Variants in DOCK6 observed in about 807,000 individuals in gnomAD.
DOCK6 encodes the protein dedicator of cytokinesis protein 6.
In DOCK6, 167 loss-of-function variants were observed where a neutral mutation model predicts 230.3. That is an observed-to-expected ratio of 0.73 (90% CI 0.64 to 0.82). DOCK6 has a LOEUF of 0.82. Ranked by LOEUF, DOCK6 falls within the 40% of genes least tolerant of loss-of-function variation. DOCK6 has a pLI of 0.00. For synonymous variants in DOCK6, 1,148 were observed against 1,185.0 expected, an observed-to-expected ratio of 0.97 and a Z score of 0.64; for missense variants, 2,598 against 2,825.8, an observed-to-expected ratio of 0.92 and a Z score of 1.83.
At chr19:11,203,783 T>G in intron 41 of DOCK6, 2 of 529,538 alleles carry the variant, frequency 3.8e-6, no homozygotes, top group East Asian at 3.2e-5. Context: ...CATGAGGGAG[T>G]CAAGAGTCAC....
intron 21 of DOCK6, among the ~76,000 whole-genome samples, chr19:11,235,043 A>C (rs2079824576): frequency 6.6e-6 from 1 of 152,036 alleles, no homozygotes; most frequent in East Asian, 1.9e-4. Context: ...CCCGGGTTCA[A>C]GTGATTCTTC....
At chr19:11,219,190 T>TC (rs2079543248) in intron 28 of DOCK6, among the ~76,000 whole-genome samples, 1 of 126,448 alleles carries the variant, frequency 7.9e-6, no homozygotes, top group Non-Finnish European at 1.7e-5. Context: ...TTTTTTTTTT[T>TC]TTTTTTTTTT....
chr19:11,224,063 C>T (rs574116961), intron 24 of DOCK6, among the ~76,000 whole-genome samples: 34 of 152,034 alleles, frequency 2.2e-4, no homozygotes, highest in African/African-American at 8.0e-4. Context: ...GTGTGTGGGG[C>T]GGGGGCAGGG....
chr19:11,212,905 C>T (rs2079415375), intron 35 of DOCK6, among the ~76,000 whole-genome samples: 1 of 137,856 alleles, frequency 7.3e-6, no homozygotes, highest in Admixed American at 7.9e-5. Flanking sequence ...CAAGGTCTCA[C>T]TCTTGCTCAG....
In DOCK6 at chr19:11,262,449, C is replaced by T. The variant is rs572179916; in HGVS notation, c.-9G>A. ...CGCTCGGAGGCAGCCATGGTCCTCG[C>T]GTCCCGCCGCCGCCGCCCCGGGCCC... On this transcript the variant is annotated 5_prime_UTR_variant, in exon 1 of 48. Coordinates refer to ENST00000294618, the MANE Select transcript of DOCK6 (RefSeq NM_020812.4). 36 of 1,193,406 alleles carry T rather than the reference C, an allele frequency of 3.0e-5. No individual in the cohort carries two copies. The African/African-American group carries it at 4.2e-4, about 14-fold the overall frequency. The allele number at this position is 1,193,406 out of a possible 1,614,324, so 73.9% of individuals were successfully genotyped here.
chr19:11,229,425 T>C (rs1311436254), intron 22 of DOCK6: 2 of 1,011,832 alleles, frequency 2.0e-6, no homozygotes, highest in Non-Finnish European at 2.4e-6. Flanking sequence ...AGAAGGTTAG[T>C]GTGGATGAGG....
In DOCK6 at chr19:11,222,281, C is replaced by A. The variant is rs770651759; in HGVS notation, c.3241-33G>T. Reference sequence around the variant, plus strand: ...GTGGGGGAAAAATGGGGGATGCCAGCGGTCAAGGGTCAGAGGTGGCAGGTC... The same window carrying A: ...GTGGGGGAAAAATGGGGGATGCCAGAGGTCAAGGGTCAGAGGTGGCAGGTC... On this transcript the variant is annotated intron_variant, in intron 26 of 47. Coordinates refer to ENST00000294618, the MANE Select transcript of DOCK6 (RefSeq NM_020812.4). The surrounding 1 kb of genome is among the most constrained non-coding windows in gnomAD (Gnocchi z 4.0). 2 of 1,575,718 alleles carry A rather than the reference C, an allele frequency of 1.3e-6. No individual in the cohort carries two copies. The highest frequency in any genetic ancestry group is 1.3e-5 in the African/African-American group (1 of 74,222).
chr19:11,201,778 G>T lies in DOCK6; in HGVS notation c.5688+111C>A. ...CTGTGCCACCCCTCTCTGGGTCTGA[G>T]GTCCGTGAACCACCTTGGGTCTGGG... is the stretch of plus-strand genomic sequence containing the variant. On this transcript the variant is annotated intron_variant, in intron 44 of 47. Transcript: ENST00000294618. This position sits in a 1 kb window ranked among gnomAD's most constrained non-coding sequence, Gnocchi z 4.3. The T allele has an allele frequency of 9.6e-7, 1 of 1,039,246 alleles. No individual in the cohort carries two copies. Among genetic ancestry groups the T allele is most frequent in the Non-Finnish European group, 1.4e-6 (1 of 716,832 alleles). The allele number at this position is 1,039,246 out of a possible 1,614,324, so 64.4% of individuals were successfully genotyped here.
chr19:11,232,231 G>A (rs1486444706), intron 22 of DOCK6: 1 of 1,289,724 alleles, frequency 7.8e-7, no homozygotes, highest in Non-Finnish European at 1.0e-6. Context: ...CCGCAGCACA[G>A]CCTTACTGCC....
rs879385442 is a variant in DOCK6 at position 11,236,736 on chromosome 19, G to A, written c.2160+57C>T. On this transcript the variant is annotated intron_variant, in intron 19 of 47. Coordinates refer to ENST00000294618, the MANE Select transcript of DOCK6 (RefSeq NM_020812.4). This position sits in a 1 kb window ranked among gnomAD's most constrained non-coding sequence, Gnocchi z 5.2. ...GGCCATCGGCAACTGTTACTCAATC[G>A]TAGGGCAGGCAAGAGGGGAGCAGGG... The A allele has an allele frequency of 2.8e-5, 43 of 1,544,580 alleles. No homozygotes were observed. The highest frequency in any genetic ancestry group is 3.6e-5 in the Non-Finnish European group (41 of 1,141,536).
At chr19:11,225,433 G>T (rs1169801067) in intron 24 of DOCK6, among the ~76,000 whole-genome samples, 1 of 152,060 alleles carries the variant, frequency 6.6e-6, no homozygotes, top group African/African-American at 2.4e-5. Context: ...TCAAAAATCT[G>T]GAAAGTTCCC....
At chr19:11,228,011 CTTTTT>C (rs886573859) in intron 23 of DOCK6, among the ~76,000 whole-genome samples, 2 of 134,854 alleles carry the variant, frequency 1.5e-5, no homozygotes, top group Non-Finnish European at 1.6e-5. Flanking sequence ...AGCTTTCCCT[CTTTTT>C]TTTTTTTTTT....
rs1348155741 is a variant in DOCK6 at position 11,201,863 on chromosome 19, C to T, written c.5688+26G>A. 7.2e-6 allele frequency: 11 copies of T among 1,527,720 alleles called. No individual in the cohort carries two copies. Among genetic ancestry groups the T allele is most frequent in the African/African-American group, 1.4e-5 (1 of 72,652 alleles). The allele number at this position is 1,527,720 out of a possible 1,614,324, so 94.6% of individuals were successfully genotyped here. A position where few individuals can be genotyped will look rare whatever the true frequency, so the allele number is the denominator to read the frequency against. On this transcript the variant is annotated intron_variant, in intron 44 of 47. Transcript: ENST00000294618. The surrounding 1 kb of genome is among the most constrained non-coding windows in gnomAD (Gnocchi z 4.3). ...CTGATGTCCCCTCACCTCCCCACCC[C>T]CGCCAGGCCCAGGATCCCCACCCAC...
At chr19:11,216,785 TCC>T in intron 30 of DOCK6, 127 bp downstream of exon 30, 1 of 922,390 alleles carries the variant, frequency 1.1e-6, no homozygotes, top group Non-Finnish European at 1.7e-6. Context: ...TCCACCCCTT[TCC>T]TCTCAGTCCC....
Position 11,201,893 on chromosome 19 carries a change from TC to T in DOCK6, c.5683del (p.Glu1895ArgfsTer5). The T allele has an allele frequency of 9.2e-7, 1 of 1,084,952 alleles. No individual in the cohort carries two copies. The highest frequency in any genetic ancestry group is 1.2e-6 in the Non-Finnish European group (1 of 847,138). 67.2% of individuals were successfully genotyped at this position (1,084,952 alleles called of 1,614,324 possible). A position where few individuals can be genotyped will look rare whatever the true frequency, so the allele number is the denominator to read the frequency against. On this transcript the variant is annotated frameshift_variant, in exon 44 of 48. Transcript: ENST00000294618. LOFTEE classifies it high-confidence loss of function. This position sits in a 1 kb window ranked among gnomAD's most constrained non-coding sequence, Gnocchi z 4.3. ...AGGCCCAGGATCCCCACCCACCTCC[TC>T]CCGGTGGCACACACGGATGCGAGTC... ...IKTRIRVCHR[E>X]ETVLTPVEVA... is the part of the protein sequence containing the mutation.
chr19:11,242,104 G>A lies in DOCK6; in HGVS notation c.1584C>T (p.Pro528=), dbSNP rs780598039. 2 of 1,524,834 alleles carry A rather than the reference G, an allele frequency of 1.3e-6. No homozygotes were observed. 94.5% of individuals were successfully genotyped at this position (1,524,834 alleles called of 1,614,324 possible). A position where few individuals can be genotyped will look rare whatever the true frequency, so the allele number is the denominator to read the frequency against. Residue 528 remains proline, a synonymous_variant, in exon 14 of 48, where the codon CCC becomes CCT. Coordinates refer to ENST00000294618, the MANE Select transcript of DOCK6 (RefSeq NM_020812.4). Reference sequence around the variant, plus strand: ...CGGGGAACTCCAGAATCTCCTTGGTGGGCCGGCCCCTGGGGTCCGGGTAGG... The same window carrying A: ...CGGGGAACTCCAGAATCTCCTTGGTAGGCCGGCCCCTGGGGTCCGGGTAGG... ...IKPYPDPRGR[P]TKEILEFPAR... is the part of the protein sequence containing the mutation.
At chr19:11,235,513 A>C in intron 21 of DOCK6, 85 bp downstream of exon 21, 2 of 1,368,452 alleles carry the variant, frequency 1.5e-6, no homozygotes, top group Non-Finnish European at 2.0e-6. Flanking sequence ...GGCCTCCCAA[A>C]GTCCTGGGAT....
chr19:11,235,803 T>C, intron 20 of DOCK6, 44 bp from the exon 21 acceptor site: 2 of 1,540,846 alleles, frequency 1.3e-6, no homozygotes, highest in Non-Finnish European at 1.8e-6. Context: ...CCAAGGCCTC[T>C]CACCTCCCCG....
In DOCK6 at chr19:11,200,799, C is replaced by A; in HGVS notation, c.5856G>T (p.Val1952=). 1 of 1,612,954 alleles carries A rather than the reference C, an allele frequency of 6.2e-7. No individual in the cohort carries two copies. The highest frequency in any genetic ancestry group is 1.1e-5 in the South Asian group (1 of 91,052). The change falls in exon 46 of 48, where the codon GTG becomes GTT. Residue 1952 remains valine, a synonymous_variant. Transcript: ENST00000294618. The surrounding 1 kb of genome is among the most constrained non-coding windows in gnomAD (Gnocchi z 4.3). The part of the protein sequence containing the change: ...VNQGPLEVAQ[V]FLAEIPEDPK... ...GGTCTTCCGGGATCTCTGCTAAAAACACCTGGGCCACCTCCAGGGGACCCT... is the reference window on the plus strand; with the variant it reads ...GGTCTTCCGGGATCTCTGCTAAAAAAACCTGGGCCACCTCCAGGGGACCCT...
Sources: allele counts gnomAD v4.1 joint callset (sites outside exome capture counted in the v4.1 genomes callset), GRCh38; gene constraint gnomAD v4.1.1; non-coding constraint Gnocchi (gnomAD v3.1); transcripts MANE v1.5; gene names NCBI Gene and HGNC (gene_info 2026-07-23, HGNC 2026-07-21).